MACROD2: variants seen among roughly 807,000 people sequenced by gnomAD.
MACROD2 encodes the protein ADP-ribose glycohydrolase MACROD2.
MACROD2 carries 36 observed loss-of-function variants against 70.4 expected under a neutral mutation model. The ratio of observed to expected loss-of-function variants is 0.51; its 90% CI spans 0.39 to 0.68. The LOEUF (loss-of-function observed/expected upper bound fraction) is 0.68, where lower values mean the gene tolerates loss of function less well. Ranked by LOEUF, MACROD2 falls within the 30% of genes least tolerant of loss-of-function variation. MACROD2 has a pLI of 0.00. For missense variants in MACROD2, 496 were observed against 538.4 expected, an observed-to-expected ratio of 0.92 and a Z score of 0.78; for synonymous variants, 172 against 178.8, an observed-to-expected ratio of 0.96 and a Z score of 0.30.
At chr20:15,767,355 G>A (rs1304038256) in intron 8 of MACROD2, among the ~76,000 whole-genome samples, 1 of 149,826 alleles carries the variant, frequency 6.7e-6, no homozygotes, top group East Asian at 2.0e-4. Context: ...CATGATGCAG[G>A]AGATGCTATT....
Position 15,506,327 on chromosome 20 carries a change from C to T in MACROD2, c.645+6480C>T, listed in dbSNP as rs139933880. ...GAAGAAGCTGAACATATTTCTCCAC[C>T]CCAGAAAACAGAATTAGGAATCCAC... On this transcript the variant is annotated intron_variant, in intron 8 of 17. Coordinates refer to ENST00000684519, the MANE Select transcript of MACROD2 (RefSeq NM_001351661.2). Among the ~76,000 whole-genome samples the T allele has an allele frequency of 2.4e-3, 363 of 152,296 alleles. 2 individuals carry two copies. Among genetic ancestry groups the T allele is most frequent in the African/African-American group, 8.4e-3 (347 of 41,552 alleles).
intron 5 of MACROD2, among the ~76,000 whole-genome samples, chr20:15,058,985 T>C (rs1277283351): frequency 6.6e-6 from 1 of 152,212 alleles, no homozygotes; most frequent in East Asian, 1.9e-4. Flanking sequence ...GACTGACTCA[T>C]AGTGTTATCT....
At chr20:16,039,827 G>A (rs965393889) in intron 15 of MACROD2, among the ~76,000 whole-genome samples, 1 of 151,934 alleles carries the variant, frequency 6.6e-6, no homozygotes, top group Non-Finnish European at 1.5e-5. Context: ...CTAGTGAAAA[G>A]CACTGTGGAC....
chr20:15,076,777 A>T (rs2075661253), intron 5 of MACROD2, among the ~76,000 whole-genome samples: 1 of 152,146 alleles, frequency 6.6e-6, no homozygotes, highest in Admixed American at 6.5e-5. Flanking sequence ...TTCTTGATCT[A>T]ATATCCATAC....
intron 3 of MACROD2, among the ~76,000 whole-genome samples, chr20:14,252,855 T>C (rs940142567): frequency 1.3e-5 from 2 of 152,082 alleles, no homozygotes; most frequent in Admixed American, 1.3e-4. Flanking sequence ...TATTAATTTA[T>C]AGCTGAAGCT....
chr20:16,002,208 A>G (rs546572093), intron 15 of MACROD2, among the ~76,000 whole-genome samples: 2 of 152,304 alleles, frequency 1.3e-5, no homozygotes, highest in African/African-American at 4.8e-5. Flanking sequence ...ATAGTAAGGA[A>G]TAAAAATTTT....
rs1489180692 is a variant in MACROD2 at position 15,670,949 on chromosome 20, T to A, written c.645+171102T>A. 3.3e-5 allele frequency among the ~76,000 whole-genome samples: 5 copies of A among 150,648 alleles called. No homozygotes were observed. In the Admixed American group the frequency reaches 3.4e-4, roughly 10 times the overall value. Reference sequence around the variant, plus strand: ...TCTTGGTCTGAAGATCTGAGCTGTGTTTTATGATAAAGAAAAATGTATAAG... The same window carrying A: ...TCTTGGTCTGAAGATCTGAGCTGTGATTTATGATAAAGAAAAATGTATAAG... On this transcript the variant is annotated intron_variant, in intron 8 of 17. Coordinates refer to ENST00000684519, the MANE Select transcript of MACROD2 (RefSeq NM_001351661.2).
At chr20:15,460,290 G>A (rs73272957) in intron 7 of MACROD2, among the ~76,000 whole-genome samples, 14,891 of 152,100 alleles carry the variant, frequency 0.098, 829 homozygotes, top group Non-Finnish European at 0.13. Context: ...TCCTGTTTCT[G>A]CCAGGACCAA....
intron 5 of MACROD2, among the ~76,000 whole-genome samples, chr20:15,094,504 A>G (rs1215401758): frequency 6.6e-6 from 1 of 152,206 alleles, no homozygotes. Context: ...CAAATATTTA[A>G]AGTTAAGTAT....
rs572088171 is a variant in MACROD2 at position 14,753,299 on chromosome 20, C to T, written c.418+68340C>T. Among the ~76,000 whole-genome samples, 80 of 152,140 alleles carry T rather than the reference C, an allele frequency of 5.3e-4. 1 individual carries two copies. Among genetic ancestry groups the T allele is most frequent in the African/African-American group, 1.9e-3 (77 of 41,476 alleles). The stretch of plus-strand genomic sequence containing the variant: ...CATGAAAATCTTTCTGCCCTCTGGA[C>T]TGCAAGCTTGAGAAGACCAAGTTTC... On this transcript the variant is annotated intron_variant, in intron 5 of 17. Transcript: ENST00000684519.
At chr20:14,942,979 T>C (rs1313525673) in intron 5 of MACROD2, among the ~76,000 whole-genome samples, 1 of 152,170 alleles carries the variant, frequency 6.6e-6, no homozygotes, top group African/African-American at 2.4e-5. Flanking sequence ...CCTCAACTAT[T>C]TTACCTGCTG....
chr20:14,630,137 A>G (rs2123471518), intron 4 of MACROD2, among the ~76,000 whole-genome samples: 1 of 152,328 alleles, frequency 6.6e-6, no homozygotes, highest in East Asian at 1.9e-4. Flanking sequence ...TACAGTCTCC[A>G]CAGTTTGGCT....
intron 6 of MACROD2, among the ~76,000 whole-genome samples, chr20:15,346,537 C>A (rs2078168382): frequency 6.6e-6 from 1 of 152,252 alleles, no homozygotes; most frequent in South Asian, 2.1e-4. Context: ...GTTCATAGAG[C>A]TGGCTGGGCT....
intron 3 of MACROD2, chr20:14,127,915 A>G (rs2054672786): frequency 7.9e-6 from 4 of 506,602 alleles, no homozygotes; most frequent in South Asian, 6.2e-5. Flanking sequence ...AATGTCAGAA[A>G]ACACCCTGAT....
chr20:15,000,395 G>A lies in MACROD2; in HGVS notation c.419-229545G>A, dbSNP rs1003665440. The stretch of plus-strand genomic sequence containing the variant: ...TCCCAGCACTTTGGGAGGCCGAGGC[G>A]GGTGGATCATGAGGTCAGGAGATCG... On this transcript the variant is annotated intron_variant, in intron 5 of 17. Transcript: ENST00000684519. Among the ~76,000 whole-genome samples the A allele has an allele frequency of 1.2e-4, 16 of 129,468 alleles. 1 individual carries two copies. Among genetic ancestry groups the A allele is most frequent in the Admixed American group, 3.1e-4 (4 of 13,020 alleles). The allele number at this position is 129,468 out of a possible 152,430, so 84.9% of individuals were successfully genotyped here.
chr20:15,741,908 TAAAC>T (rs1391797431), intron 8 of MACROD2, among the ~76,000 whole-genome samples: 3 of 152,182 alleles, frequency 2.0e-5, no homozygotes, highest in South Asian at 2.1e-4. Context: ...GAGTTAATAA[TAAAC>T]AAATACGTTG....
intron 15 of MACROD2, among the ~76,000 whole-genome samples, chr20:16,031,761 A>G (rs930065087): frequency 6.6e-6 from 1 of 152,172 alleles, no homozygotes; most frequent in Non-Finnish European, 1.5e-5. Flanking sequence ...ACCTGCTAAT[A>G]AAGTATGTAC....
At chr20:14,441,764 C>T (rs1378791346) in intron 3 of MACROD2, among the ~76,000 whole-genome samples, 1 of 152,124 alleles carries the variant, frequency 6.6e-6, no homozygotes, top group Non-Finnish European at 1.5e-5. Context: ...CTCATAAAGA[C>T]AGCAACAAAA....
At chr20:15,381,358 TC>T (rs565419703) in intron 6 of MACROD2, among the ~76,000 whole-genome samples, 50 of 151,726 alleles carry the variant, frequency 3.3e-4, no homozygotes, top group African/African-American at 1.2e-3. Flanking sequence ...ACAGACTATA[TC>T]CCCCACAACT....
Sources: gnomAD v4.1 joint callset for allele counts (sites outside exome capture counted in the v4.1 genomes callset) on GRCh38, gnomAD v4.1.1 for gene constraint, MANE v1.5 for transcripts, NCBI Gene and HGNC (gene_info 2026-07-23, HGNC 2026-07-21) for gene names.